The following PEX5L variants were observed in gnomAD, a reference collection of about 807,000 sequenced individuals.
The protein encoded by PEX5L is peroxisomal biogenesis factor 5 like.
PEX5L carries 30 observed loss-of-function variants against 84.0 expected under a neutral mutation model. The ratio of observed to expected loss-of-function variants is 0.36; its 90% CI spans 0.27 to 0.48. The LOEUF (loss-of-function observed/expected upper bound fraction) is 0.48. PEX5L is among the 20% of genes least tolerant of loss of function. The pLI is 0.99. For synonymous variants in PEX5L, 270 were observed against 283.1 expected (o/e 0.95, Z 0.46); for missense variants, 533 against 754.6 (o/e 0.71, Z 3.44).
rs138482883 is a variant in PEX5L at position 179,885,474 on chromosome 3, G to A, written c.310+2199C>T. Among the ~76,000 whole-genome samples, 535 of 152,132 alleles carry A rather than the reference G, an allele frequency of 3.5e-3. 10 individuals are homozygous for A. In the East Asian group the frequency reaches 0.049, roughly 14 times the overall value. On this transcript the variant is annotated intron_variant, in intron 4 of 14. Coordinates refer to ENST00000467460, the MANE Select transcript of PEX5L (RefSeq NM_016559.3). Reference sequence around the variant, plus strand: ...ATCCTGGCTAACACAGTGAAACCCTGTCTCTACTAAAGATACAAAAAATCA... The same window carrying A: ...ATCCTGGCTAACACAGTGAAACCCTATCTCTACTAAAGATACAAAAAATCA...
intron 2 of PEX5L, among the ~76,000 whole-genome samples, chr3:179,941,807 G>T (rs1776164124): frequency 6.6e-6 from 1 of 151,994 alleles, no homozygotes; most frequent in Admixed American, 6.6e-5. Context: ...CGGATCACGA[G>T]GTCAGGAGTT....
intron 8 of PEX5L, among the ~76,000 whole-genome samples, chr3:179,846,138 C>T (rs1361248564): frequency 6.6e-6 from 1 of 152,056 alleles, no homozygotes; most frequent in South Asian, 2.1e-4. Context: ...CCACTGCACT[C>T]CAGCCTGGGT....
Position 179,887,911 on chromosome 3 carries a change from T to C in PEX5L, c.199-127A>G, listed in dbSNP as rs573741444. 1.8e-4 allele frequency: 127 copies of C among 699,834 alleles called. No homozygotes were observed. In the African/African-American group the frequency reaches 2.1e-3, roughly 11 times the overall value. The allele number at this position is 699,834 out of a possible 1,614,324, so 43.4% of individuals were successfully genotyped here. ...AAAAATAAATAAATACATAAATAAA[T>C]AATGGGGTGGGGGCAAGAAAGAAAA... On this transcript the variant is annotated intron_variant, in intron 3 of 14. Transcript: ENST00000467460.
intron 4 of PEX5L, among the ~76,000 whole-genome samples, chr3:179,886,378 A>G (rs1755862267): frequency 6.6e-6 from 1 of 152,224 alleles, no homozygotes; most frequent in East Asian, 1.9e-4. Context: ...AGCTGAATTT[A>G]GAAAATGATT....
intron 8 of PEX5L, among the ~76,000 whole-genome samples, chr3:179,836,787 A>C (rs1359107360): frequency 1.3e-5 from 2 of 152,184 alleles, no homozygotes; most frequent in Non-Finnish European, 2.9e-5. Flanking sequence ...CTAAAGTCTG[A>C]AGTCTACCTT....
At chr3:180,021,639 C>G (rs143861799) in intron 1 of PEX5L, among the ~76,000 whole-genome samples, 6 of 152,274 alleles carry the variant, frequency 3.9e-5, no homozygotes, top group Non-Finnish European at 7.4e-5. Context: ...GGTGCTATTA[C>G]ACAATCCAGA....
chr3:179,902,196 T>C (rs1761595569), intron 2 of PEX5L: 2 of 153,618 alleles, frequency 1.3e-5, no homozygotes, highest in Non-Finnish European at 2.9e-5. Flanking sequence ...GACAGTATGA[T>C]GTGGCCAAGG....
At chr3:179,936,312 T>C (rs1183532554) in intron 2 of PEX5L, among the ~76,000 whole-genome samples, 1 of 152,186 alleles carries the variant, frequency 6.6e-6, no homozygotes, top group African/African-American at 2.4e-5. Context: ...TATACTAATA[T>C]ATGTCAGATG....
At chr3:180,026,133 C>CTTT (rs368852075) in intron 1 of PEX5L, among the ~76,000 whole-genome samples, 2,469 of 101,704 alleles carry the variant, frequency 0.024, 67 homozygotes, top group Middle Eastern at 0.036. Context: ...TTTCAGCATT[C>CTTT]TTTTTTTTTT....
intron 2 of PEX5L, among the ~76,000 whole-genome samples, chr3:179,929,973 T>C (rs1207978655): frequency 6.6e-6 from 1 of 152,218 alleles, no homozygotes; most frequent in African/African-American, 2.4e-5. Context: ...AAGGTTTTTA[T>C]GTCTGAGTTG....
intron 8 of PEX5L, among the ~76,000 whole-genome samples, chr3:179,854,534 A>G (rs545910309): frequency 6.6e-6 from 1 of 152,332 alleles, no homozygotes; most frequent in East Asian, 1.9e-4. Context: ...AGGACACTGC[A>G]GCCCAGTCCC....
chr3:179,902,794 T>C (rs1234417099), intron 2 of PEX5L: 1 of 388,188 alleles, frequency 2.6e-6, no homozygotes, highest in Non-Finnish European at 5.1e-6. Flanking sequence ...ATTTTCATTA[T>C]TTTTAAAACT....
At chr3:179,948,106 A>G in intron 2 of PEX5L, among the ~76,000 whole-genome samples, 1 of 152,222 alleles carries the variant, frequency 6.6e-6, no homozygotes, top group East Asian at 1.9e-4. Context: ...TTTCTTAGTT[A>G]AAAGCATTAC....
intron 7 of PEX5L, among the ~76,000 whole-genome samples, chr3:179,863,052 T>C (rs1389685674): frequency 1.3e-5 from 2 of 152,278 alleles, no homozygotes; most frequent in East Asian, 3.9e-4. Flanking sequence ...TGGTTAATTG[T>C]TTTTCTACAA....
At chr3:179,946,582 C>T (rs1235012596) in intron 2 of PEX5L, among the ~76,000 whole-genome samples, 3 of 152,180 alleles carry the variant, frequency 2.0e-5, no homozygotes, top group Non-Finnish European at 4.4e-5. Context: ...AAAGCACATA[C>T]AAATTCTTAA....
chr3:180,036,673 AG>A lies in PEX5L; in HGVS notation c.-75del. 5 of 1,542,820 alleles carry A rather than the reference AG, an allele frequency of 3.2e-6. No individual in the cohort carries two copies. Among genetic ancestry groups the A allele is most frequent in the Non-Finnish European group, 2.7e-6 (3 of 1,115,254 alleles). On this transcript the variant is annotated 5_prime_UTR_variant, in exon 1 of 15. Transcript: ENST00000467460. ...CCCGTGCTTACTTGCCCACCAAAAG[AG>A]GGGAAAAGGTGGGTGCACAGCGGGT...
chr3:180,000,291 C>T (rs1252422741), intron 1 of PEX5L, among the ~76,000 whole-genome samples: 2 of 151,984 alleles, frequency 1.3e-5, no homozygotes, highest in Non-Finnish European at 2.9e-5. Context: ...GGTGACTGAC[C>T]AGGCTATCAA....
intron 1 of PEX5L, among the ~76,000 whole-genome samples, chr3:180,034,559 T>C (rs1791729736): frequency 6.6e-6 from 1 of 152,128 alleles, no homozygotes; most frequent in Non-Finnish European, 1.5e-5. Context: ...CTGTCATAGG[T>C]ATTTTTTTGT....
chr3:179,863,888 T>C (rs959415060), intron 7 of PEX5L, among the ~76,000 whole-genome samples: 1 of 152,116 alleles, frequency 6.6e-6, no homozygotes, highest in Admixed American at 6.6e-5. Flanking sequence ...TTCCCACATG[T>C]TGTGGGAGGG....
Sources: allele counts gnomAD v4.1 joint callset (sites outside exome capture counted in the v4.1 genomes callset), GRCh38; gene constraint gnomAD v4.1.1; transcripts MANE v1.5; gene names NCBI Gene and HGNC (gene_info 2026-07-23, HGNC 2026-07-21).